The following DCTN1 variants were observed in gnomAD, a reference collection of about 807,000 sequenced individuals.
DCTN1 encodes the protein dynactin subunit 1.
DCTN1 carries 61 observed loss-of-function variants against 161.2 expected under a neutral mutation model. The observed-to-expected ratio is 0.38, with a 90% CI of 0.31 to 0.47. The LOEUF is 0.47. DCTN1 is among the 20% of genes least tolerant of loss of function. The pLI is 0.99. For synonymous variants in DCTN1, 653 were observed against 632.4 expected (o/e 1.03, Z -0.49); for missense variants, 1,404 against 1,623.7 (o/e 0.86, Z 2.33).
upstream of DCTN1, among the ~76,000 whole-genome samples, chr2:74,382,171 C>T (rs1028495386): frequency 2.0e-5 from 3 of 152,232 alleles, no homozygotes; most frequent in East Asian, 5.8e-4. Context: ...TAAAAATAGC[C>T]TCACAACTCA....
At chr2:74,390,212 A>G (rs567947621) in intron 1 of DCTN1, among the ~76,000 whole-genome samples, 18 of 152,326 alleles carry the variant, frequency 1.2e-4, no homozygotes, top group African/African-American at 3.8e-4. Flanking sequence ...AATTAAATAC[A>G]ATTCCGCTTA....
At chr2:74,368,580 A>G (rs1674595663) in intron 16 of DCTN1, 148 bp downstream of exon 16, 4 of 1,009,536 alleles carry the variant, frequency 4.0e-6, no homozygotes. Flanking sequence ...TTTGTAATAT[A>G]TATTAATCGG....
At chr2:74,384,537 G>A (rs539941295), upstream of DCTN1, among the ~76,000 whole-genome samples, 7 of 152,292 alleles carry the variant, frequency 4.6e-5, no homozygotes, top group East Asian at 7.7e-4. Flanking sequence ...AAATCTCTGT[G>A]TCTGATAAAT....
intron 31 of DCTN1, 40 bp from the exon 32 acceptor site, chr2:74,361,676 CT>C (rs1448215136): frequency 1.2e-6 from 2 of 1,613,760 alleles, no homozygotes; most frequent in African/African-American, 2.7e-5. Flanking sequence ...AGGTCAGGGG[CT>C]CACTTGAGCT....
At chr2:74,366,438 T>C (rs372515955) in intron 22 of DCTN1, 21 bp downstream of exon 22, 2 of 1,614,188 alleles carry the variant, frequency 1.2e-6, no homozygotes, top group South Asian at 1.1e-5. Context: ...CCACACCTTC[T>C]ACCCAGCCAT....
intron 25 of DCTN1, 89 bp from the exon 26 acceptor site, chr2:74,365,330 G>C: frequency 1.3e-6 from 2 of 1,578,364 alleles, no homozygotes; most frequent in Non-Finnish European, 1.7e-6. Context: ...GAATAGCCCT[G>C]CCAGTGAGAA....
In DCTN1 at chr2:74,367,677, C is replaced by T. The variant is rs1349408124; in HGVS notation, c.2184+19G>A. ...AGCTTCCCTGCCTCCTGCCCCAAGCCCAAATTCTTGCCCCACACCTGATAG... is the reference window on the plus strand; with the variant it reads ...AGCTTCCCTGCCTCCTGCCCCAAGCTCAAATTCTTGCCCCACACCTGATAG... On this transcript the variant is annotated intron_variant, in intron 18 of 31. Coordinates refer to ENST00000628224, the MANE Select transcript of DCTN1 (RefSeq NM_004082.5). 8.1e-6 allele frequency: 13 copies of T among 1,614,086 alleles called. No homozygotes were observed. The highest frequency in any genetic ancestry group is 1.1e-5 in the Non-Finnish European group (13 of 1,180,014).
intron 26 of DCTN1, 112 bp from the exon 27 acceptor site, chr2:74,363,740 C>A: frequency 2.2e-6 from 3 of 1,374,024 alleles, no homozygotes; most frequent in Non-Finnish European, 3.1e-6. Flanking sequence ...GCAGGAAAAC[C>A]CTTTTCCTAA....
In DCTN1 at chr2:74,367,343, A is replaced by G; in HGVS notation, c.2253+9T>C. 6.2e-7 allele frequency: 1 copy of G among 1,614,082 alleles called. No homozygotes were observed. The highest frequency in any genetic ancestry group is 1.1e-5 in the South Asian group (1 of 91,066). ...CACGGGGGCTCAATCACTGGCCCAGATACTTCACCTTAATGTGGTCAGCCA... is the reference window on the plus strand; with the variant it reads ...CACGGGGGCTCAATCACTGGCCCAGGTACTTCACCTTAATGTGGTCAGCCA... On this transcript the variant is annotated intron_variant, in intron 19 of 31. Coordinates refer to ENST00000628224, the MANE Select transcript of DCTN1 (RefSeq NM_004082.5).
At chr2:74,367,193 C>T in intron 19 of DCTN1, 86 bp from the exon 20 acceptor site, 1 of 1,565,008 alleles carries the variant, frequency 6.4e-7, no homozygotes, top group Non-Finnish European at 8.8e-7. Flanking sequence ...CCATCCTCTG[C>T]TGACCCCCAT....
intron 27 of DCTN1, 62 bp downstream of exon 27, chr2:74,363,552 C>A: frequency 6.2e-7 from 1 of 1,604,736 alleles, no homozygotes; most frequent in Non-Finnish European, 8.5e-7. Flanking sequence ...TCCCCCTCCA[C>A]CCTGCTCCCT....
At position 74,372,913 on chromosome 2, in the gene DCTN1, G is replaced by A. The variant is rs771097178; in HGVS notation, c.453+15C>T. On this transcript the variant is annotated intron_variant, in intron 7 of 31. Transcript: ENST00000628224. Reference sequence around the variant, plus strand: ...TACACTCAGCAGTGGCTCACACAGGGGCCTGTTTTCTCACCTTGGGTCGCC... The same window carrying A: ...TACACTCAGCAGTGGCTCACACAGGAGCCTGTTTTCTCACCTTGGGTCGCC... The A allele has an allele frequency of 1.1e-5, 17 of 1,613,702 alleles. No individual in the cohort carries two copies. The highest frequency in any genetic ancestry group is 1.4e-5 in the Non-Finnish European group (17 of 1,179,770).
rs201918007 is a variant in DCTN1 at position 74,363,389 on chromosome 2, G to A, written c.3250C>T (p.Pro1084Ser). ...AGTGGTGAGTCCTTCACCAGCCCTG[G>A]GCCTGGCACAGACCCTGGAGCCTGC... is the stretch of plus-strand genomic sequence containing the variant. ...PGQAPGSVPG[P>S]GLVKDSPLLL... The change falls in exon 28 of 32, where the codon CCA (proline) becomes TCA (serine). Residue 1084 changes from proline to serine, a missense_variant. Pro to Ser is a moderately conservative substitution (Grantham distance 74, BLOSUM62 -1). Transcript: ENST00000628224. 94 of 1,612,452 alleles carry A rather than the reference G, an allele frequency of 5.8e-5. No individual in the cohort carries two copies. Among genetic ancestry groups the A allele is most frequent in the Non-Finnish European group, 7.7e-5 (91 of 1,179,614 alleles).
At chr2:74,381,599 T>C (rs561054675), upstream of DCTN1, among the ~76,000 whole-genome samples, 1 of 152,318 alleles carries the variant, frequency 6.6e-6, no homozygotes, top group East Asian at 1.9e-4. Flanking sequence ...GGACCTCACA[T>C]GTTCGGAGCA....
chr2:74,365,775 A>G (rs1674361341), intron 24 of DCTN1, 118 bp from the exon 25 acceptor site: 1 of 1,610,266 alleles, frequency 6.2e-7, no homozygotes, highest in East Asian at 2.2e-5. Flanking sequence ...CATTGATTGC[A>G]GGCCCCACTT....
In DCTN1 at chr2:74,370,590, G is replaced by T; in HGVS notation, c.1048+31C>A. The T allele has an allele frequency of 6.2e-7, 1 of 1,613,992 alleles. No homozygotes were observed. Among genetic ancestry groups the T allele is most frequent in the Non-Finnish European group, 8.5e-7 (1 of 1,180,008 alleles). On this transcript the variant is annotated intron_variant, in intron 10 of 31. Transcript: ENST00000628224. The surrounding 1 kb of genome is among the most constrained non-coding windows in gnomAD (Gnocchi z 4.4). Reference sequence around the variant, plus strand: ...TTTCAGGCATGGTTCTCACCTGACCGTTTGGCCCCCAGCAGCTGTGGGCCC... The same window carrying T: ...TTTCAGGCATGGTTCTCACCTGACCTTTTGGCCCCCAGCAGCTGTGGGCCC...
chr2:74,381,902 A>C (rs975645169), upstream of DCTN1, among the ~76,000 whole-genome samples: 1 of 152,240 alleles, frequency 6.6e-6, no homozygotes, highest in Admixed American at 6.5e-5. Flanking sequence ...CAATGTCATC[A>C]TATATAGACA....
chr2:74,387,259 A>G (rs1419316917), intron 1 of DCTN1, among the ~76,000 whole-genome samples: 1 of 152,178 alleles, frequency 6.6e-6, no homozygotes, highest in Non-Finnish European at 1.5e-5. Flanking sequence ...TTCCTGGGCA[A>G]CATTCTCTCC....
intron 18 of DCTN1, 32 bp downstream of exon 18, chr2:74,367,664 T>A (rs1391095916): frequency 6.2e-7 from 1 of 1,613,966 alleles, no homozygotes; most frequent in African/African-American, 1.3e-5. Flanking sequence ...CTTCCCTGCC[T>A]CCTGCCCCAA....
Sources: allele counts gnomAD v4.1 joint callset (sites outside exome capture counted in the v4.1 genomes callset), GRCh38; gene constraint gnomAD v4.1.1; non-coding constraint Gnocchi (gnomAD v3.1); transcripts MANE v1.5; gene names NCBI Gene and HGNC (gene_info 2026-07-23, HGNC 2026-07-21).